Variants in MAGI1 observed in about 807,000 individuals in gnomAD.
MAGI1 encodes membrane associated guanylate kinase, WW and PDZ domain containing 1, also known as membrane-associated guanylate kinase, WW and PDZ domain-containing protein 1.
MAGI1 carries 58 observed loss-of-function variants against 139.9 expected under a neutral mutation model. The ratio of observed to expected loss-of-function variants is 0.41; its 90% CI spans 0.34 to 0.52. MAGI1 has a LOEUF of 0.52. MAGI1 is among the 20% of genes least tolerant of loss of function. The pLI is 0.12. For missense variants in MAGI1, 1,874 were observed against 1,901.6 expected, an observed-to-expected ratio of 0.99 and a Z score of 0.27; for synonymous variants, 812 against 737.9, an observed-to-expected ratio of 1.10 and a Z score of -1.63.
intron 14 of MAGI1, chr3:65,386,992 G>A (rs1400196057): frequency 4.7e-5 from 30 of 632,646 alleles, no homozygotes; most frequent in South Asian, 2.7e-4. Context: ...TTTGGTTTGC[G>A]TTTGGTCAAC....
chr3:65,936,609 T>C (rs1218729910), intron 1 of MAGI1, among the ~76,000 whole-genome samples: 1 of 151,842 alleles, frequency 6.6e-6, no homozygotes, highest in Non-Finnish European at 1.5e-5. Flanking sequence ...AAAAAAATCT[T>C]ATGTAGATAT....
intron 12 of MAGI1, chr3:65,401,944 G>C (rs562900662): frequency 1.3e-3 from 1,257 of 975,804 alleles, no homozygotes; most frequent in Non-Finnish European, 1.5e-3. Context: ...AATTTTTTTG[G>C]TCTTTTCTTT....
intron 18 of MAGI1, among the ~76,000 whole-genome samples, chr3:65,367,261 G>C (rs1268808559): frequency 2.6e-5 from 4 of 152,128 alleles, no homozygotes; most frequent in Non-Finnish European, 5.9e-5. Flanking sequence ...GGTAGCCAGA[G>C]TTTTCTGAGC....
At chr3:65,779,381 G>A (rs2107996305) in intron 1 of MAGI1, among the ~76,000 whole-genome samples, 1 of 152,342 alleles carries the variant, frequency 6.6e-6, no homozygotes, top group African/African-American at 2.4e-5. Context: ...GGTAAGAAGG[G>A]CCGGGAGGGG....
rs539107865 is a variant in MAGI1, at chr3:65,974,434, G to C, written c.313+63562C>G. Among the ~76,000 whole-genome samples, 5 of 151,424 alleles carry C rather than the reference G, an allele frequency of 3.3e-5. No homozygotes were observed. The East Asian group carries it at 5.8e-4, about 18-fold the overall frequency. ...GGATGGATGGATGGATGGATGGATG[G>C]ATGCATGGATTAACCAACCTTATGT... On this transcript the variant is annotated intron_variant, in intron 1 of 22. Transcript: ENST00000402939.
intron 2 of MAGI1, among the ~76,000 whole-genome samples, chr3:65,505,969 T>C (rs529351824): frequency 1.3e-5 from 2 of 152,146 alleles, no homozygotes; most frequent in African/African-American, 2.4e-5. Context: ...TTACTCTTCA[T>C]CAATTTAACA....
chr3:65,479,498 T>G (rs1355435764), intron 3 of MAGI1, among the ~76,000 whole-genome samples: 2 of 152,212 alleles, frequency 1.3e-5, no homozygotes, highest in Non-Finnish European at 2.9e-5. Flanking sequence ...GACTCTCACT[T>G]GTACATAAAT....
intron 1 of MAGI1, among the ~76,000 whole-genome samples, chr3:65,753,694 T>A (rs2036339902): frequency 8.7e-6 from 1 of 114,942 alleles, no homozygotes; most frequent in African/African-American, 3.7e-5. Context: ...ACAAACTCCA[T>A]CTCAAAAAAA....
At chr3:65,804,496 T>C (rs6804409) in intron 1 of MAGI1, among the ~76,000 whole-genome samples, 39,919 of 151,688 alleles carry the variant, frequency 0.26, 5,537 homozygotes, top group East Asian at 0.42. Context: ...GATATTATAT[T>C]AATACATGTT....
At chr3:65,687,789 G>C in intron 1 of MAGI1, 2 of 575,600 alleles carry the variant, frequency 3.5e-6, no homozygotes, top group South Asian at 2.7e-5. Context: ...TGACGAAACT[G>C]GCTTGGAAAT....
chr3:65,768,469 C>T (rs1367602736), intron 1 of MAGI1, among the ~76,000 whole-genome samples: 2 of 151,740 alleles, frequency 1.3e-5, no homozygotes, highest in African/African-American at 4.8e-5. Flanking sequence ...ATATTAAATT[C>T]AAGAAGTGGT....
chr3:65,849,382 A>G (rs1379618092), intron 1 of MAGI1, among the ~76,000 whole-genome samples: 1 of 151,512 alleles, frequency 6.6e-6, no homozygotes, highest in African/African-American at 2.4e-5. Context: ...CCTCTTTGTC[A>G]GTCTGAATGA....
intron 1 of MAGI1, among the ~76,000 whole-genome samples, chr3:65,733,939 A>G (rs1291577677): frequency 1.3e-5 from 2 of 152,134 alleles, no homozygotes; most frequent in Non-Finnish European, 2.9e-5. Flanking sequence ...GCTGTTTAAC[A>G]CCGAAATTCC....
At chr3:65,665,161 C>A (rs577606046) in intron 1 of MAGI1, among the ~76,000 whole-genome samples, 2 of 152,308 alleles carry the variant, frequency 1.3e-5, no homozygotes, top group African/African-American at 4.8e-5. Context: ...AAATTTCCTA[C>A]CTCTTTAAAA....
intron 1 of MAGI1, among the ~76,000 whole-genome samples, chr3:65,717,965 G>C (rs551794020): frequency 6.6e-6 from 1 of 152,242 alleles, no homozygotes; most frequent in East Asian, 1.9e-4. Context: ...TTTCCCCCAA[G>C]CTTCTACTAC....
intron 1 of MAGI1, among the ~76,000 whole-genome samples, chr3:65,996,786 A>G (rs1445533012): frequency 3.3e-5 from 5 of 152,356 alleles, no homozygotes; most frequent in South Asian, 4.1e-4. Flanking sequence ...ACGAAGTTTC[A>G]TATCATTCTT....
At chr3:65,981,324 G>A (rs1326892059) in intron 1 of MAGI1, among the ~76,000 whole-genome samples, 1 of 152,142 alleles carries the variant, frequency 6.6e-6, no homozygotes, top group Non-Finnish European at 1.5e-5. Flanking sequence ...TACTGCTTTA[G>A]CAAGCAGGTG....
chr3:65,683,278 T>C (rs969012988), intron 1 of MAGI1, among the ~76,000 whole-genome samples: 2 of 152,076 alleles, frequency 1.3e-5, no homozygotes, highest in Non-Finnish European at 2.9e-5. Context: ...GTAACCCTAA[T>C]GTACCCAATG....
At chr3:65,680,346 T>C (rs2087492837) in intron 1 of MAGI1, among the ~76,000 whole-genome samples, 1 of 152,208 alleles carries the variant, frequency 6.6e-6, no homozygotes, top group African/African-American at 2.4e-5. Context: ...ATGATAAGAC[T>C]ATGGTGACCA....
Sources: allele counts gnomAD v4.1 joint callset (sites outside exome capture counted in the v4.1 genomes callset), GRCh38; gene constraint gnomAD v4.1.1; transcripts MANE v1.5; gene names NCBI Gene and HGNC (gene_info 2026-07-23, HGNC 2026-07-21).